Variants in USH2A observed in about 807,000 individuals in gnomAD.
The protein encoded by USH2A is usherin.
Under a neutral mutation model 538.9 loss-of-function variants are expected in USH2A, and 443 were observed. The observed-to-expected ratio is 0.82, with a 90% confidence interval of 0.76 to 0.89. The LOEUF (loss-of-function observed/expected upper bound fraction) is 0.89, where lower values mean the gene tolerates loss of function less well. USH2A is among the 40% of genes least tolerant of loss of function. USH2A has a pLI of 0.00. For synonymous variants in USH2A, 2,413 were observed against 2,273.5 expected (o/e 1.06, Z -1.75); for missense variants, 6,633 against 6,324.8 (o/e 1.05, Z -1.65).
intron 13 of USH2A, among the ~76,000 whole-genome samples, chr1:216,243,526 CA>C (rs1362804376): frequency 8.5e-5 from 13 of 152,072 alleles, no homozygotes; most frequent in Non-Finnish European, 1.5e-5. Flanking sequence ...GCCTCTTTTG[CA>C]GTGAGGTATG....
intron 21 of USH2A, among the ~76,000 whole-genome samples, chr1:216,152,437 C>G (rs1572004047): frequency 1.3e-5 from 2 of 151,312 alleles, no homozygotes; most frequent in African/African-American, 4.9e-5. Context: ...AAAAATCACC[C>G]CCACTGAGCA....
chr1:215,790,407 T>C lies in USH2A; in HGVS notation c.9959-125A>G, dbSNP rs1237937260. 4.1e-6 allele frequency: 4 copies of C among 975,122 alleles called. No homozygotes were observed. The East Asian group carries it at 7.8e-5, about 19-fold the overall frequency. The allele number at this position is 975,122 out of a possible 1,614,324, so 60.4% of individuals were successfully genotyped here. A position where few individuals can be genotyped will look rare whatever the true frequency, so the allele number is the denominator to read the frequency against. On this transcript the variant is annotated intron_variant, in intron 50 of 71. Coordinates refer to ENST00000307340, the MANE Select transcript of USH2A (RefSeq NM_206933.4). ...TGCTGAAATGGTGCAATACCTAAGGTAGCATTTCCCTACCAAGGTGATTTA... is the reference window on the plus strand; with the variant it reads ...TGCTGAAATGGTGCAATACCTAAGGCAGCATTTCCCTACCAAGGTGATTTA...
At chr1:216,267,217 A>G (rs936499472) in intron 11 of USH2A, among the ~76,000 whole-genome samples, 13 of 152,120 alleles carry the variant, frequency 8.5e-5, no homozygotes, top group African/African-American at 3.1e-4. Context: ...AGAGTGATCA[A>G]CTGTGTCAAA....
At chr1:216,397,899 A>T (rs1280596784) in intron 3 of USH2A, among the ~76,000 whole-genome samples, 2 of 152,120 alleles carry the variant, frequency 1.3e-5, no homozygotes, top group Admixed American at 1.3e-4. Flanking sequence ...TCCCTAATAC[A>T]TTCCTTTTCA....
At chr1:216,072,701 G>A (rs1347734954) in intron 29 of USH2A, 188 bp downstream of exon 29, 1 of 633,082 alleles carries the variant, frequency 1.6e-6, no homozygotes, top group Non-Finnish European at 2.8e-6. Context: ...GTGAATTCTT[G>A]GTAAATGAAA....
Position 216,239,115 on chromosome 1 carries a change from A to C in USH2A, c.2810-6979T>G, listed in dbSNP as rs576707617. Among the ~76,000 whole-genome samples, 19 of 151,164 alleles carry C rather than the reference A, an allele frequency of 1.3e-4. No homozygotes were observed. The East Asian group carries it at 3.1e-3, about 25-fold the overall frequency. The stretch of plus-strand genomic sequence containing the variant: ...GACCATAAAACCAGGAAAAAAAAAA[A>C]CATTAAAGTGGAATTTCTGAAGCAA... On this transcript the variant is annotated intron_variant, in intron 13 of 71. Coordinates refer to ENST00000307340, the MANE Select transcript of USH2A (RefSeq NM_206933.4).
At chr1:216,072,799 G>A in intron 29 of USH2A, 90 bp downstream of exon 29, 9 of 1,258,044 alleles carry the variant, frequency 7.2e-6, no homozygotes, top group South Asian at 1.2e-5. Context: ...AAATATTACT[G>A]CTTCAGGGTA....
intron 9 of USH2A, among the ~76,000 whole-genome samples, chr1:216,304,186 A>T (rs1437596154): frequency 1.3e-5 from 2 of 152,042 alleles, no homozygotes; most frequent in Admixed American, 1.3e-4. Context: ...ATAATATCTG[A>T]ATTTAGTAGT....
chr1:216,228,793 A>G (rs1322942750), intron 14 of USH2A, among the ~76,000 whole-genome samples: 2 of 152,212 alleles, frequency 1.3e-5, no homozygotes, highest in Non-Finnish European at 1.5e-5. Context: ...TTGTAATTTT[A>G]AAAAGGTAAT....
intron 4 of USH2A, among the ~76,000 whole-genome samples, chr1:216,353,658 G>A (rs1227226748): frequency 2.6e-5 from 4 of 152,084 alleles, no homozygotes; most frequent in Non-Finnish European, 4.4e-5. Flanking sequence ...AATCTAGAGG[G>A]TTGGAGAGTT....
intron 47 of USH2A, among the ~76,000 whole-genome samples, chr1:215,824,021 G>T (rs1298451018): frequency 6.6e-6 from 1 of 151,514 alleles, no homozygotes; most frequent in Non-Finnish European, 1.5e-5. Context: ...ATCTTGTTAG[G>T]GTCACTCACT....
chr1:216,167,126 C>A (rs1365194989), intron 21 of USH2A, among the ~76,000 whole-genome samples: 1 of 151,654 alleles, frequency 6.6e-6, no homozygotes, highest in Non-Finnish European at 1.5e-5. Context: ...ATATATATAC[C>A]TTAAATATGG....
In USH2A at chr1:215,799,595, T is replaced by C. The variant is rs533393394; in HGVS notation, c.9740-470A>G. ...ACATGAGAGGAGGTAAAAAATACTG[T>C]ATTTAAGTCAGTGTGCTAGTACTTC... is the stretch of plus-strand genomic sequence containing the variant. On this transcript the variant is annotated intron_variant, in intron 49 of 71. Transcript: ENST00000307340. Among the ~76,000 whole-genome samples the C allele has an allele frequency of 3.0e-4, 46 of 152,300 alleles. 1 individual carries two copies. In the South Asian group the frequency reaches 9.3e-3, roughly 31 times the overall value.
At chr1:216,202,043 A>G (rs2035013061) in intron 16 of USH2A, among the ~76,000 whole-genome samples, 1 of 152,224 alleles carries the variant, frequency 6.6e-6, no homozygotes, top group Admixed American at 6.5e-5. Flanking sequence ...AGTTACCCTT[A>G]TCCCACAATA....
chr1:215,815,462 T>C (rs146547704), intron 48 of USH2A, among the ~76,000 whole-genome samples: 165 of 152,100 alleles, frequency 1.1e-3, no homozygotes, highest in African/African-American at 3.9e-3. Context: ...TGATTTAAAA[T>C]TAAACTAACC....
chr1:215,968,446 G>GA (rs35901222), intron 36 of USH2A, among the ~76,000 whole-genome samples: 13 of 150,280 alleles, frequency 8.7e-5, no homozygotes, highest in African/African-American at 1.7e-4. Context: ...GGTCAGATTA[G>GA]AAAAAAAAAT....
At chr1:215,758,220 A>T (rs770435544) in intron 58 of USH2A, among the ~76,000 whole-genome samples, 7 of 150,818 alleles carry the variant, frequency 4.6e-5, no homozygotes, top group Admixed American at 6.6e-5. Context: ...CAGGAGTCGG[A>T]GGTTGTGGTG....
intron 47 of USH2A, among the ~76,000 whole-genome samples, chr1:215,820,171 AT>A (rs1295361640): frequency 6.6e-6 from 1 of 151,576 alleles, no homozygotes; most frequent in African/African-American, 2.4e-5. Context: ...TTTTTTTTAG[AT>A]TTTAAAGTAA....
chr1:215,901,087 A>G, intron 38 of USH2A, 182 bp from the exon 39 acceptor site: 2 of 746,446 alleles, frequency 2.7e-6, no homozygotes, highest in Non-Finnish European at 4.4e-6. Flanking sequence ...GTTCATTTCA[A>G]CACAATTACA....
Sources: allele counts gnomAD v4.1 joint callset (sites outside exome capture counted in the v4.1 genomes callset), GRCh38; gene constraint gnomAD v4.1.1; transcripts MANE v1.5; gene names NCBI Gene and HGNC (gene_info 2026-07-23, HGNC 2026-07-21).